THADA: variants seen among roughly 807,000 people sequenced by gnomAD.
The protein encoded by THADA is THADA armadillo repeat containing.
Under a neutral mutation model 219.8 loss-of-function variants are expected in THADA, and 213 were observed. That is an observed-to-expected ratio of 0.97 (90% CI 0.87 to 1.09). THADA has a LOEUF of 1.09. Among genes scored for constraint, THADA ranks in the 50% least tolerant of loss-of-function variants. The probability of loss-of-function intolerance (pLI) is 0.00; values close to 1 mark genes in which losing one functional copy is unlikely to be tolerated. For synonymous variants in THADA, 1,018 were observed against 828.9 expected, an observed-to-expected ratio of 1.23 and a Z score of -3.92; for missense variants, 2,956 against 2,311.3, an observed-to-expected ratio of 1.28 and a Z score of -5.72.
Position 43,549,351 on chromosome 2 carries a change from G to A in THADA, c.2965C>T (p.Gln989Ter). The A allele has an allele frequency of 1.2e-6, 2 of 1,603,142 alleles. No homozygotes were observed. The highest frequency in any genetic ancestry group is 1.7e-6 in the Non-Finnish European group (2 of 1,175,192). Residue 989 changes from glutamine (Q) to a stop codon, truncating the protein, a stop_gained, in exon 20 of 38, where the codon CAG becomes TAG. Transcript: ENST00000405975. LOFTEE classifies it high-confidence loss of function. ...DTDSESASRL[Q>*]MILNEIQPRD... ...GGCTGAATCTCATTCAGAATCATCT[G>A]TAAGCGGCTTGCTGACTCTGAGGGA...
At position 43,425,599 on chromosome 2, in the gene THADA, C is replaced by G. The variant is rs149340912; in HGVS notation, c.4058+2501G>C. On this transcript the variant is annotated intron_variant, in intron 28 of 37. Transcript: ENST00000405975. ...CCATTTGGAAGTCGGACTCTCAGGC[C>G]TCACCTCAGATTTACTGAAATCAGA... 9.0e-4 allele frequency among the ~76,000 whole-genome samples: 137 copies of G among 152,216 alleles called. 1 individual carries two copies. The highest frequency in any genetic ancestry group is 3.3e-3 in the African/African-American group (135 of 41,530).
chr2:43,303,297 C>G, intron 31 of THADA, among the ~76,000 whole-genome samples: 1 of 152,138 alleles, frequency 6.6e-6, no homozygotes, highest in East Asian at 1.9e-4. Context: ...GTAATGTCTG[C>G]AACATGAACA....
intron 26 of THADA, among the ~76,000 whole-genome samples, chr2:43,466,918 C>G (rs952253822): frequency 6.7e-6 from 1 of 149,580 alleles, no homozygotes; most frequent in Non-Finnish European, 1.5e-5. Flanking sequence ...CACGGTGGCT[C>G]ACGCCTGTAA....
intron 26 of THADA, among the ~76,000 whole-genome samples, chr2:43,441,606 A>G (rs191327533): frequency 9.6e-4 from 146 of 152,328 alleles, no homozygotes; most frequent in Non-Finnish European, 8.8e-5. Flanking sequence ...TTAGGCTGAT[A>G]TCAACACCAG....
intron 28 of THADA, among the ~76,000 whole-genome samples, chr2:43,425,039 G>A (rs1678234115): frequency 6.6e-6 from 1 of 152,108 alleles, no homozygotes; most frequent in Admixed American, 6.6e-5. Context: ...AGACCCTATA[G>A]GTCCATTCCG....
At chr2:43,374,092 T>C (rs1244549526) in intron 29 of THADA, among the ~76,000 whole-genome samples, 4 of 152,236 alleles carry the variant, frequency 2.6e-5, no homozygotes, top group African/African-American at 9.6e-5. Flanking sequence ...GGAATTACAC[T>C]ATCAAGTGAA....
At chr2:43,554,050 C>T (rs1697063025) in intron 17 of THADA, among the ~76,000 whole-genome samples, 1 of 152,104 alleles carries the variant, frequency 6.6e-6, no homozygotes, top group Admixed American at 6.5e-5. Context: ...TGCAAATACC[C>T]CATTTTTCAG....
rs992857720 is a variant in THADA, at chr2:43,467,555, T to C, written c.3836+17679A>G. Among the ~76,000 whole-genome samples the C allele has an allele frequency of 3.3e-5, 5 of 152,244 alleles. No individual in the cohort carries two copies. In the South Asian group the frequency reaches 8.3e-4, roughly 25 times the overall value. On this transcript the variant is annotated intron_variant, in intron 26 of 37. Coordinates refer to ENST00000405975, the MANE Select transcript of THADA (RefSeq NM_022065.5). The stretch of plus-strand genomic sequence containing the variant: ...TTTAGGACTGATTACTCTGTATTTC[T>C]ATTTTTATTTCCCTGTGGGTAAACT...
At chr2:43,515,480 G>C (rs911554080) in intron 22 of THADA, among the ~76,000 whole-genome samples, 2 of 137,390 alleles carry the variant, frequency 1.5e-5, no homozygotes, top group East Asian at 4.1e-4. Context: ...ATAGTTTTCT[G>C]GGAAATTTAC....
chr2:43,395,247 CAG>C (rs1673884551), intron 29 of THADA, among the ~76,000 whole-genome samples: 1 of 152,240 alleles, frequency 6.6e-6, no homozygotes, highest in African/African-American at 2.4e-5. Context: ...CCTTCTAACT[CAG>C]ATACAGTTCA....
chr2:43,549,629 A>G (rs1483168060), intron 19 of THADA, among the ~76,000 whole-genome samples: 3 of 148,142 alleles, frequency 2.0e-5, no homozygotes, highest in African/African-American at 5.0e-5. Context: ...AAAGGCCACC[A>G]TGTCATCTAC....
chr2:43,467,231 A>C (rs924664718), intron 26 of THADA, among the ~76,000 whole-genome samples: 1 of 151,704 alleles, frequency 6.6e-6, no homozygotes, highest in Non-Finnish European at 1.5e-5. Flanking sequence ...TGCTTGGCAG[A>C]ACTTTGTTAC....
chr2:43,567,626 G>GA (rs1393207030), intron 14 of THADA, among the ~76,000 whole-genome samples: 2 of 151,668 alleles, frequency 1.3e-5, no homozygotes, highest in East Asian at 1.9e-4. Flanking sequence ...AACTCCCTCT[G>GA]AAAAAAAACA....
At chr2:43,242,434 G>T (rs917700823) in intron 36 of THADA, among the ~76,000 whole-genome samples, 3 of 152,148 alleles carry the variant, frequency 2.0e-5, no homozygotes, top group African/African-American at 7.2e-5. Context: ...GCAAGTGGTA[G>T]GGCCAGATAC....
chr2:43,337,588 A>G (rs1666605991), intron 30 of THADA, among the ~76,000 whole-genome samples: 1 of 152,134 alleles, frequency 6.6e-6, no homozygotes, highest in Non-Finnish European at 1.5e-5. Flanking sequence ...TTTTTTAGAA[A>G]ACAATCTGGC....
At chr2:43,326,757 G>T (rs1051144499) in intron 30 of THADA, among the ~76,000 whole-genome samples, 2 of 152,160 alleles carry the variant, frequency 1.3e-5, no homozygotes, top group Non-Finnish European at 2.9e-5. Context: ...ATAAGCTCAA[G>T]TCACACTGGA....
chr2:43,296,669 C>A (rs982879333), intron 31 of THADA, among the ~76,000 whole-genome samples: 1 of 152,176 alleles, frequency 6.6e-6, no homozygotes, highest in East Asian at 1.9e-4. Context: ...AAAACCGAAT[C>A]TCATAACAAT....
rs544567571 is a variant in THADA, at chr2:43,521,926, T to C, written c.3374+5953A>G. Reference sequence around the variant, plus strand: ...GCTTCATCCATCCAACTACATGTAGTAGCACAGAGCTATTTTTAACTTATA... The same window carrying C: ...GCTTCATCCATCCAACTACATGTAGCAGCACAGAGCTATTTTTAACTTATA... On this transcript the variant is annotated intron_variant, in intron 22 of 37. Transcript: ENST00000405975. Among the ~76,000 whole-genome samples the C allele has an allele frequency of 2.0e-5, 3 of 152,350 alleles. No homozygotes were observed. In the East Asian group the frequency reaches 5.8e-4, roughly 29 times the overall value.
intron 22 of THADA, among the ~76,000 whole-genome samples, chr2:43,524,019 T>C (rs1297978131): frequency 6.6e-6 from 1 of 152,142 alleles, no homozygotes; most frequent in Non-Finnish European, 1.5e-5. Flanking sequence ...AACAAGCAAA[T>C]ATGAATGTCA....
Sources: gnomAD v4.1 joint callset for allele counts (sites outside exome capture counted in the v4.1 genomes callset) on GRCh38, gnomAD v4.1.1 for gene constraint, MANE v1.5 for transcripts, NCBI Gene and HGNC (gene_info 2026-07-23, HGNC 2026-07-21) for gene names.